Variants in PHIP observed in about 807,000 individuals in gnomAD.
PHIP encodes the protein PHIP subunit of CUL4-Ring ligase complex.
Under a neutral mutation model 236.8 loss-of-function variants are expected in PHIP, and 54 were observed. That is an observed-to-expected ratio of 0.23 (90% CI 0.18 to 0.29). The LOEUF is 0.29. PHIP is among the 10% of genes least tolerant of loss of function. PHIP has a pLI of 1.00. For synonymous variants in PHIP, 756 were observed against 718.9 expected (o/e 1.05, Z -0.83); for missense variants, 1,370 against 2,190.8 (o/e 0.63, Z 7.48).
chr6:79,003,867 T>C lies in PHIP; in HGVS notation c.1525-9A>G. The C allele has an allele frequency of 6.4e-7, 1 of 1,564,618 alleles. No individual in the cohort carries two copies. The highest frequency in any genetic ancestry group is 1.4e-5 in the African/African-American group (1 of 72,340). On this transcript the variant is annotated splice_polypyrimidine_tract_variant and intron_variant, in intron 15 of 39. Coordinates refer to ENST00000275034, the MANE Select transcript of PHIP (RefSeq NM_017934.7). ...TGTCCTTGGCCTTCAATCTGAAATA[T>C]ATTTAACCAACAGTAAGAAAACTAC...
In PHIP at chr6:79,047,247, A is replaced by G. The variant is rs915948484; in HGVS notation, c.440-4244T>C. Among the ~76,000 whole-genome samples, 8 of 152,176 alleles carry G rather than the reference A, an allele frequency of 5.3e-5. No individual in the cohort carries two copies. In the East Asian group the frequency reaches 1.5e-3, roughly 29 times the overall value. On this transcript the variant is annotated intron_variant, in intron 6 of 39. Coordinates refer to ENST00000275034, the MANE Select transcript of PHIP (RefSeq NM_017934.7). The stretch of plus-strand genomic sequence containing the variant: ...AGGCCCACAACTTCTTAAACATTAG[A>G]TGTGACTATGCGCATATTCAGCCCT...
At chr6:79,017,855 T>C (rs1266827623) in intron 10 of PHIP, among the ~76,000 whole-genome samples, 1 of 151,934 alleles carries the variant, frequency 6.6e-6, no homozygotes, top group African/African-American at 2.4e-5. Flanking sequence ...AACCATACCA[T>C]GTTAAAATTA....
At position 78,935,701 on chromosome 6, in the gene PHIP, T is replaced by A; in HGVS notation, c.*4992A>T. 1 of 985,188 alleles carries A rather than the reference T, an allele frequency of 1.0e-6. No individual in the cohort carries two copies. The highest frequency in any genetic ancestry group is 1.2e-6 in the Non-Finnish European group (1 of 829,724). 61.0% of individuals were successfully genotyped at this position (985,188 alleles called of 1,614,324 possible). A position where few individuals can be genotyped will look rare whatever the true frequency, so the allele number is the denominator to read the frequency against. On this transcript the variant is annotated 3_prime_UTR_variant, in exon 40 of 40. Coordinates refer to ENST00000275034, the MANE Select transcript of PHIP (RefSeq NM_017934.7). ...CTTTTAACTGACAGTTTTCACACTT[T>A]GCAAAACACACAGGGCACTGGAAAC... is the stretch of plus-strand genomic sequence containing the variant.
At chr6:78,960,320 G>T (rs1766692852) in intron 31 of PHIP, among the ~76,000 whole-genome samples, 1 of 152,078 alleles carries the variant, frequency 6.6e-6, no homozygotes, top group African/African-American at 2.4e-5. Context: ...AACAATTAGT[G>T]TATGTATACA....
chr6:79,049,972 G>A (rs1177023847), intron 6 of PHIP, among the ~76,000 whole-genome samples: 1 of 151,902 alleles, frequency 6.6e-6, no homozygotes, highest in African/African-American at 2.4e-5. Flanking sequence ...GGAAATATGA[G>A]GGTAAAAAAA....
chr6:79,024,673 C>T (rs1369254815), intron 9 of PHIP, among the ~76,000 whole-genome samples: 4 of 152,136 alleles, frequency 2.6e-5, no homozygotes, highest in East Asian at 3.9e-4. Flanking sequence ...GGAGTGGTGG[C>T]GGGCGCCTGT....
chr6:78,974,083 GCACCA>G (rs1176505186), intron 24 of PHIP, among the ~76,000 whole-genome samples: 3 of 151,922 alleles, frequency 2.0e-5, no homozygotes, highest in South Asian at 2.1e-4. Flanking sequence ...ATTTTTTTCA[GCACCA>G]CACCACACCT....
chr6:78,997,658 C>T (rs41269341), intron 18 of PHIP, 61 bp from the exon 19 acceptor site: 1 of 1,284,808 alleles, frequency 7.8e-7, no homozygotes, highest in Non-Finnish European at 1.1e-6. Context: ...TAGTTTATAA[C>T]AGAAAAAAGA....
rs557015503 is a variant in PHIP, at chr6:79,049,293, C to T, written c.440-6290G>A. On this transcript the variant is annotated intron_variant, in intron 6 of 39. Coordinates refer to ENST00000275034, the MANE Select transcript of PHIP (RefSeq NM_017934.7). ...GTCAGGCTGGTCTCGAACTCCCAGCCTCAAGTGATCTGCCTGCCTTAACTT... is the reference window on the plus strand; with the variant it reads ...GTCAGGCTGGTCTCGAACTCCCAGCTTCAAGTGATCTGCCTGCCTTAACTT... Among the ~76,000 whole-genome samples the T allele has an allele frequency of 3.9e-5, 6 of 152,194 alleles. No homozygotes were observed. The East Asian group carries it at 1.2e-3, about 30-fold the overall frequency.
chr6:79,062,497 A>G (rs554491431), intron 4 of PHIP, among the ~76,000 whole-genome samples: 5 of 152,290 alleles, frequency 3.3e-5, no homozygotes, highest in Admixed American at 1.3e-4. Context: ...ATGTGACTTA[A>G]TTGATCAAAA....
At position 78,945,496 on chromosome 6, in the gene PHIP, T is replaced by C; in HGVS notation, c.4632A>G (p.Ile1544Met). 1.3e-6 allele frequency: 2 copies of C among 1,560,398 alleles called. No homozygotes were observed. The highest frequency in any genetic ancestry group is 1.8e-6 in the Non-Finnish European group (2 of 1,135,750). Reference sequence around the variant, plus strand: ...TGGAATGTTTCACAGAATTCTCTAGTACTAAAACATACAAACAAAATTTAA... The same window carrying C: ...TGGAATGTTTCACAGAATTCTCTAGCACTAAAACATACAAACAAAATTTAA... ...ANASAIPGKTILENSVKHSKA... is the reference protein window; with the variant it reads ...ANASAIPGKTMLENSVKHSKA... Residue 1544 changes from isoleucine to methionine, a missense_variant and splice_region_variant, in exon 39 of 40, where the codon ATA becomes ATG. Ile to Met is a conservative substitution (Grantham distance 10, BLOSUM62 1). Coordinates refer to ENST00000275034, the MANE Select transcript of PHIP (RefSeq NM_017934.7).
intron 6 of PHIP, among the ~76,000 whole-genome samples, chr6:79,043,335 T>C (rs1772316982): frequency 6.6e-6 from 1 of 152,092 alleles, no homozygotes; most frequent in Non-Finnish European, 1.5e-5. Context: ...AAAGCATTTA[T>C]ATGTTATTTC....
chr6:78,941,404 C>T (rs776830685), intron 39 of PHIP, 74 bp from the exon 40 acceptor site: 51 of 998,544 alleles, frequency 5.1e-5, no homozygotes, highest in Non-Finnish European at 6.9e-5. Flanking sequence ...GTCAGTAAGG[C>T]CCCATTGGTA....
intron 38 of PHIP, 194 bp from the exon 39 acceptor site, chr6:78,945,691 G>A (rs1773774645): frequency 1.6e-6 from 1 of 611,930 alleles, no homozygotes; most frequent in East Asian, 2.9e-5. Context: ...AGCCCTTTTA[G>A]AAGCTGTCCC....
At chr6:78,992,453 A>G (rs1769327438) in intron 19 of PHIP, among the ~76,000 whole-genome samples, 3 of 150,834 alleles carry the variant, frequency 2.0e-5, no homozygotes, top group South Asian at 4.2e-4. Flanking sequence ...ACAGGCATAC[A>G]TTGTTTTACT....
Position 78,970,896 on chromosome 6 carries a change from A to T in PHIP, c.2890-8T>A. On this transcript the variant is annotated splice_polypyrimidine_tract_variant and splice_region_variant and intron_variant, in intron 24 of 39. Coordinates refer to ENST00000275034, the MANE Select transcript of PHIP (RefSeq NM_017934.7). ...TTGTCGGAAATAATAAACCTAAAAAATAAAGTCATAATCTTACAACCTGGA... is the reference window on the plus strand; with the variant it reads ...TTGTCGGAAATAATAAACCTAAAAATTAAAGTCATAATCTTACAACCTGGA... 1 of 1,571,092 alleles carries T rather than the reference A, an allele frequency of 6.4e-7. No homozygotes were observed. Among genetic ancestry groups the T allele is most frequent in the East Asian group, 2.2e-5 (1 of 44,536 alleles).
intron 5 of PHIP, 21 bp from the exon 6 acceptor site, chr6:79,060,597 T>C (rs1193177840): frequency 6.2e-7 from 1 of 1,610,698 alleles, no homozygotes; most frequent in Non-Finnish European, 8.5e-7. Context: ...CATGTATTTT[T>C]ATGCATACAA....
chr6:79,012,938 T>C (rs984410474), intron 15 of PHIP, among the ~76,000 whole-genome samples: 5 of 151,778 alleles, frequency 3.3e-5, no homozygotes, highest in African/African-American at 2.4e-5. Flanking sequence ...ATTACCATTA[T>C]GAAAACATTT....
rs777273493 is a variant in PHIP, at chr6:78,945,312, C to T, written c.4816G>A (p.Val1606Ile). 6.2e-7 allele frequency: 1 copy of T among 1,608,970 alleles called. No homozygotes were observed. The highest frequency in any genetic ancestry group is 8.5e-7 in the Non-Finnish European group (1 of 1,175,368). ...KASTLSKSSAVIEQGDCKNNA... is the reference protein window; with the variant it reads ...KASTLSKSSAIIEQGDCKNNA... ...AGTAATACCTTACCTTGCTCAATGA[C>T]AGCTGATGACTTTGAAAGAGTGGAC... The change falls in exon 39 of 40, where the codon GTC becomes ATC. Residue 1606 changes from valine (V) to isoleucine (I), a missense_variant. Transcript: ENST00000275034.
Sources: gnomAD v4.1 joint callset for allele counts (sites outside exome capture counted in the v4.1 genomes callset) on GRCh38, gnomAD v4.1.1 for gene constraint, MANE v1.5 for transcripts, NCBI Gene and HGNC (gene_info 2026-07-23, HGNC 2026-07-21) for gene names.